The following CEP135 variants were observed in gnomAD, a reference collection of about 807,000 sequenced individuals.
CEP135 encodes centrosomal protein of 135 kDa.
In CEP135, 142 loss-of-function variants were observed where a neutral mutation model predicts 157.3. That is an observed-to-expected ratio of 0.90 (90% CI 0.79 to 1.04). The LOEUF (loss-of-function observed/expected upper bound fraction) is 1.04. Among genes scored for constraint, CEP135 ranks in the 50% least tolerant of loss-of-function variants. The pLI is 0.00. For synonymous variants in CEP135, 396 were observed against 439.8 expected, an observed-to-expected ratio of 0.90 and a Z score of 1.25; for missense variants, 1,317 against 1,309.2, an observed-to-expected ratio of 1.01 and a Z score of -0.09.
rs756201680 is a variant in CEP135, at chr4:55,974,853, GAAC to G, written c.1358_1360del (p.Glu453_Arg454delinsGly). ...TACATTTCTGAAAGGTATAGAAGAA[GAAC>G]GAGATTATTATAAGAAAGAGCTAGA... On this transcript the variant is annotated inframe_deletion, in exon 11 of 26. Transcript: ENST00000257287. The G allele has an allele frequency of 6.2e-7, 1 of 1,613,790 alleles. No homozygotes were observed. Among genetic ancestry groups the G allele is most frequent in the African/African-American group, 1.3e-5 (1 of 75,026 alleles).
chr4:55,952,398 C>T, intron 2 of CEP135, 155 bp downstream of exon 2: 1 of 567,934 alleles, frequency 1.8e-6, no homozygotes, highest in Non-Finnish European at 3.2e-6. Context: ...CAATCCAGGC[C>T]TTCCACACGG....
chr4:55,999,210 G>T (rs951325761), intron 15 of CEP135, 92 bp from the exon 16 acceptor site: 1 of 939,476 alleles, frequency 1.1e-6, no homozygotes, highest in African/African-American at 1.7e-5. Flanking sequence ...TTAAAAATAA[G>T]ACATCAAAAT....
chr4:55,968,329 C>T (rs1340975543), intron 8 of CEP135, among the ~76,000 whole-genome samples: 1 of 149,738 alleles, frequency 6.7e-6, no homozygotes, highest in African/African-American at 2.4e-5. Context: ...TTAAAGTGTC[C>T]ATACAACTCA....
intron 12 of CEP135, among the ~76,000 whole-genome samples, chr4:55,981,011 T>C (rs1729386277): frequency 6.6e-6 from 1 of 152,190 alleles, no homozygotes; most frequent in Admixed American, 6.5e-5. Context: ...GTCTGCTGTC[T>C]AGTTTCCAAC....
At chr4:55,999,992 C>T (rs1156310387) in intron 17 of CEP135, among the ~76,000 whole-genome samples, 1 of 151,984 alleles carries the variant, frequency 6.6e-6, no homozygotes, top group Non-Finnish European at 1.5e-5. Flanking sequence ...GAGTTCAAGA[C>T]AAGCCTGGGC....
At position 55,953,182 on chromosome 4, in the gene CEP135, T is replaced by C; in HGVS notation, c.211T>C (p.Tyr71His). The change falls in exon 3 of 26, where the codon TAT becomes CAT. Residue 71 changes from tyrosine (Y) to histidine (H), a missense_variant. Physicochemically the swap from Tyr to His is moderately conservative, Grantham distance 83 (BLOSUM62 2). Coordinates refer to ENST00000257287, the MANE Select transcript of CEP135 (RefSeq NM_025009.5). ...CAATTTTGATTTTGTTTTGGAACCCTATAAACTTGAAAATGCAAGATTGAG... is the reference window on the plus strand; with the variant it reads ...CAATTTTGATTTTGTTTTGGAACCCCATAAACTTGAAAATGCAAGATTGAG... ...SANFDFVLEPYKLENARLSRE... is the reference protein window; with the variant it reads ...SANFDFVLEPHKLENARLSRE... The C allele has an allele frequency of 6.2e-7, 1 of 1,607,200 alleles. No individual in the cohort carries two copies. The highest frequency in any genetic ancestry group is 8.5e-7 in the Non-Finnish European group (1 of 1,178,054).
At chr4:55,981,471 TCCAGA>T in intron 13 of CEP135, 92 bp downstream of exon 13, 1 of 1,104,232 alleles carries the variant, frequency 9.1e-7, no homozygotes, top group Non-Finnish European at 1.3e-6. Context: ...ATTGGCCAAA[TCCAGA>T]CCACTTTGTT....
At chr4:55,991,099 C>T (rs909494053) in intron 14 of CEP135, among the ~76,000 whole-genome samples, 1 of 152,124 alleles carries the variant, frequency 6.6e-6, no homozygotes, top group Non-Finnish European at 1.5e-5. Flanking sequence ...CCTCGGCCTC[C>T]CAAGTAGCTA....
chr4:55,951,948 A>G, intron 1 of CEP135, 138 bp from the exon 2 acceptor site: 1 of 446,278 alleles, frequency 2.2e-6, no homozygotes, highest in South Asian at 4.7e-5. Flanking sequence ...TTGGCTTTAA[A>G]TCTGAATTTT....
intron 25 of CEP135, among the ~76,000 whole-genome samples, chr4:56,025,974 C>G (rs1002666225): frequency 6.6e-6 from 1 of 151,332 alleles, no homozygotes. Flanking sequence ...TTTGGGAGGC[C>G]GAGGCGGGTG....
chr4:56,023,888 G>A (rs1265786736), intron 24 of CEP135, among the ~76,000 whole-genome samples: 2 of 136,520 alleles, frequency 1.5e-5, no homozygotes, highest in African/African-American at 5.4e-5. Context: ...GATATATAAT[G>A]TAATATATAT....
intron 21 of CEP135, among the ~76,000 whole-genome samples, chr4:56,015,776 T>G (rs1025911982): frequency 2.6e-5 from 4 of 152,150 alleles, no homozygotes; most frequent in Non-Finnish European, 4.4e-5. Flanking sequence ...ATATTCAGAG[T>G]CTCACCCATA....
chr4:56,031,321 T>C (rs966552426), intron 25 of CEP135, 39 bp from the exon 26 acceptor site: 2 of 152,586 alleles, frequency 1.3e-5, no homozygotes, highest in Non-Finnish European at 2.9e-5. Context: ...AACTTTATCA[T>C]TTTTCTCTTA....
Position 55,954,257 on chromosome 4 carries a change from G to C in CEP135, c.346G>C (p.Asp116His). The part of the protein sequence containing the change: ...SLKKCARETA[D>H]LKFLNNQYAH... Reference sequence around the variant, plus strand: ...GAAGAAATGTGCACGTGAAACAGCTGATCTGAAATTTCTGAATAACCAATA... The same window carrying C: ...GAAGAAATGTGCACGTGAAACAGCTCATCTGAAATTTCTGAATAACCAATA... Residue 116 changes from aspartate (D) to histidine (H), a missense_variant, in exon 4 of 26, where the codon GAT (aspartate) becomes CAT (histidine). Physicochemically the swap from Asp to His is moderately conservative, Grantham distance 81 (BLOSUM62 -1). Transcript: ENST00000257287. The C allele has an allele frequency of 6.2e-7, 1 of 1,605,338 alleles. No individual in the cohort carries two copies. Among genetic ancestry groups the C allele is most frequent in the Non-Finnish European group, 8.5e-7 (1 of 1,176,344 alleles).
intron 25 of CEP135, among the ~76,000 whole-genome samples, chr4:56,027,929 C>T (rs1577919826): frequency 6.6e-6 from 1 of 152,136 alleles, no homozygotes; most frequent in African/African-American, 2.4e-5. Context: ...TCTCCAATCC[C>T]CAGACCTTAA....
chr4:55,969,859 C>T (rs1728969437), intron 9 of CEP135, among the ~76,000 whole-genome samples: 1 of 151,976 alleles, frequency 6.6e-6, no homozygotes, highest in Admixed American at 6.6e-5. Context: ...GGCACTCCAT[C>T]CTCTTTTATT....
chr4:55,967,584 A>G (rs1025534338), intron 8 of CEP135, among the ~76,000 whole-genome samples: 1 of 152,232 alleles, frequency 6.6e-6, no homozygotes, highest in Non-Finnish European at 1.5e-5. Context: ...GAAGCACTGA[A>G]TATGCAGATT....
Position 56,017,625 on chromosome 4 carries a change from CTTGT to C in CEP135, c.2803-20_2803-17del, listed in dbSNP as rs777265288. Reference sequence around the variant, plus strand: ...ATTATTGGGTTATTTTAACTTTTTACTTGTTTCTTTTTCTTTTTTCAGCACATAA... The same window carrying C: ...ATTATTGGGTTATTTTAACTTTTTACTTCTTTTTCTTTTTTCAGCACATAA... On this transcript the variant is annotated intron_variant, in intron 21 of 25. Transcript: ENST00000257287. 11 of 1,544,310 alleles carry C rather than the reference CTTGT, an allele frequency of 7.1e-6. 1 individual carries two copies. In the South Asian group the frequency reaches 1.4e-4, roughly 19 times the overall value.
chr4:55,997,585 A>G (rs960841735), intron 15 of CEP135, among the ~76,000 whole-genome samples: 11 of 152,150 alleles, frequency 7.2e-5, no homozygotes, highest in Non-Finnish European at 1.3e-4. Flanking sequence ...TGGCCTTCCT[A>G]TATTCTGCAA....
Sources: allele counts gnomAD v4.1 joint callset (sites outside exome capture counted in the v4.1 genomes callset), GRCh38; gene constraint gnomAD v4.1.1; transcripts MANE v1.5; gene names NCBI Gene and HGNC (gene_info 2026-07-23, HGNC 2026-07-21).